CCSER1: variants seen among roughly 807,000 people sequenced by gnomAD.
CCSER1 encodes the protein serine-rich coiled-coil domain-containing protein 1.
Under a neutral mutation model 82.0 loss-of-function variants are expected in CCSER1, and 41 were observed. The observed-to-expected ratio is 0.50, with a 90% CI of 0.39 to 0.65. The LOEUF is 0.65. Among genes scored for constraint, CCSER1 ranks in the 30% least tolerant of loss-of-function variants. The pLI, the probability that CCSER1 is intolerant of heterozygous loss-of-function variation, is 0.00. For synonymous variants in CCSER1, 414 were observed against 383.9 expected (o/e 1.08, Z -0.92); for missense variants, 1,119 against 1,064.2 (o/e 1.05, Z -0.72).
chr4:91,601,604 T>A lies in CCSER1; in HGVS notation c.*2547T>A, dbSNP rs1764818919. On this transcript the variant is annotated 3_prime_UTR_variant, in exon 11 of 11. Coordinates refer to ENST00000509176, the MANE Select transcript of CCSER1 (RefSeq NM_001145065.2). ...TAAAATCTCTAGTTTTCTAAGACAG[T>A]TCCATGTATAAAAATGATTTATGCA... 6.6e-6 allele frequency: 1 copy of A among 152,036 alleles called. No homozygotes were observed. The highest frequency in any genetic ancestry group is 1.9e-4 in the East Asian group (1 of 5,190). The allele number at this position is 152,036 out of a possible 1,614,324, so 9.4% of individuals were successfully genotyped here.
At chr4:91,167,387 T>C (rs1732206427) in intron 10 of CCSER1, among the ~76,000 whole-genome samples, 1 of 152,050 alleles carries the variant, frequency 6.6e-6, no homozygotes, top group Non-Finnish European at 1.5e-5. Flanking sequence ...GGTTTCACCA[T>C]CTTGGCCAGG....
intron 10 of CCSER1, among the ~76,000 whole-genome samples, chr4:91,110,705 C>G (rs1025977678): frequency 2.6e-5 from 4 of 151,964 alleles, no homozygotes; most frequent in African/African-American, 9.6e-5. Context: ...TTCATAAAAC[C>G]TAGTATGGCT....
intron 10 of CCSER1, among the ~76,000 whole-genome samples, chr4:91,488,076 C>CT (rs1251439272): frequency 3.3e-5 from 5 of 151,998 alleles, no homozygotes; most frequent in African/African-American, 1.2e-4. Context: ...CACATGCTTA[C>CT]TATCTCAATA....
At chr4:90,425,448 T>C (rs1419109588) in intron 4 of CCSER1, among the ~76,000 whole-genome samples, 2 of 152,238 alleles carry the variant, frequency 1.3e-5, no homozygotes, top group Non-Finnish European at 2.9e-5. Flanking sequence ...CTTGCTTTTC[T>C]TAATTCAAGC....
intron 1 of CCSER1, among the ~76,000 whole-genome samples, chr4:90,162,897 T>G (rs1729726675): frequency 6.6e-6 from 1 of 152,156 alleles, no homozygotes; most frequent in South Asian, 2.1e-4. Context: ...GTTAATATTT[T>G]AGGTCACTAG....
intron 10 of CCSER1, among the ~76,000 whole-genome samples, chr4:91,152,049 G>C (rs770179455): frequency 6.6e-6 from 1 of 152,052 alleles, no homozygotes; most frequent in Non-Finnish European, 1.5e-5. Flanking sequence ...CTGTCTCGTT[G>C]ATCTGTCTCA....
intron 9 of CCSER1, among the ~76,000 whole-genome samples, chr4:91,069,809 G>A (rs1721236137): frequency 6.6e-6 from 1 of 152,088 alleles, no homozygotes; most frequent in Non-Finnish European, 1.5e-5. Context: ...GTTGTGGGGA[G>A]AGATCATTAA....
intron 5 of CCSER1, among the ~76,000 whole-genome samples, chr4:90,590,448 C>T (rs997920834): frequency 6.6e-6 from 1 of 151,962 alleles, no homozygotes; most frequent in Non-Finnish European, 1.5e-5. Flanking sequence ...GGTGTGGTGG[C>T]GTGCACCTGT....
chr4:90,154,104 A>G (rs1727504517), intron 1 of CCSER1, among the ~76,000 whole-genome samples: 2 of 152,178 alleles, frequency 1.3e-5, no homozygotes, highest in African/African-American at 4.8e-5. Flanking sequence ...ATGGCTAGCC[A>G]GTTTTCCTAG....
chr4:90,292,058 A>G (rs1731034795), intron 1 of CCSER1, among the ~76,000 whole-genome samples: 1 of 151,962 alleles, frequency 6.6e-6, no homozygotes, highest in Non-Finnish European at 1.5e-5. Context: ...CATTGATTAC[A>G]TTAGCAATTA....
chr4:91,381,153 G>A (rs1055298875), intron 10 of CCSER1, among the ~76,000 whole-genome samples: 1 of 152,140 alleles, frequency 6.6e-6, no homozygotes, highest in Non-Finnish European at 1.5e-5. Flanking sequence ...TGGGTAACCT[G>A]ACCTTTCTCT....
intron 1 of CCSER1, among the ~76,000 whole-genome samples, chr4:90,157,306 AT>A (rs1728432347): frequency 6.6e-6 from 1 of 151,800 alleles, no homozygotes; most frequent in African/African-American, 2.4e-5. Context: ...TGCCCTTAAC[AT>A]TTTTTCCTTC....
intron 1 of CCSER1, among the ~76,000 whole-genome samples, chr4:90,163,493 A>G (rs1729864640): frequency 6.6e-6 from 1 of 152,120 alleles, no homozygotes; most frequent in African/African-American, 2.4e-5. Context: ...TAGTGTAGAG[A>G]GAAAAAAGAC....
intron 8 of CCSER1, among the ~76,000 whole-genome samples, chr4:90,820,759 A>T (rs1759629185): frequency 6.6e-6 from 1 of 151,182 alleles, no homozygotes; most frequent in Non-Finnish European, 1.5e-5. Flanking sequence ...TTTTATAGCT[A>T]TGTTGCTTAT....
At chr4:91,294,767 A>C (rs758230326) in intron 10 of CCSER1, among the ~76,000 whole-genome samples, 1 of 151,924 alleles carries the variant, frequency 6.6e-6, no homozygotes, top group Non-Finnish European at 1.5e-5. Flanking sequence ...CATCCAAGAT[A>C]ATCTCATCTT....
At chr4:91,158,482 C>T (rs1541366) in intron 10 of CCSER1, among the ~76,000 whole-genome samples, 110,520 of 151,826 alleles carry the variant, frequency 0.73, 40,751 homozygotes, top group Non-Finnish European at 0.78. Context: ...AATTTTGCTC[C>T]ACTATCATAA....
intron 10 of CCSER1, among the ~76,000 whole-genome samples, chr4:91,336,648 A>G (rs1043787868): frequency 6.6e-6 from 1 of 152,038 alleles, no homozygotes; most frequent in African/African-American, 2.4e-5. Context: ...CAAAAATAAA[A>G]CAGTCTTTCA....
At chr4:91,081,602 AGGAAAAG>A (rs1722755166) in intron 9 of CCSER1, among the ~76,000 whole-genome samples, 1 of 152,200 alleles carries the variant, frequency 6.6e-6, no homozygotes, top group Non-Finnish European at 1.5e-5. Flanking sequence ...GTATTCAATT[AGGAAAAG>A]AGGAAGTCAA....
intron 8 of CCSER1, among the ~76,000 whole-genome samples, chr4:90,879,617 AGG>A (rs1720967658): frequency 1.3e-5 from 2 of 151,250 alleles, no homozygotes; most frequent in African/African-American, 4.9e-5. Context: ...GAGGAGGAGG[AGG>A]AGGAGGAGGA....
Sources: gnomAD v4.1 joint callset for allele counts (sites outside exome capture counted in the v4.1 genomes callset) on GRCh38, gnomAD v4.1.1 for gene constraint, MANE v1.5 for transcripts, NCBI Gene and HGNC (gene_info 2026-07-23, HGNC 2026-07-21) for gene names.